Variants in MCM9 observed in about 807,000 individuals in gnomAD.
MCM9 encodes minichromosome maintenance 9 homologous recombination repair factor.
A neutral mutation model predicts 72.8 loss-of-function variants in MCM9; 55 were observed. That is an observed-to-expected ratio of 0.76 (90% CI 0.61 to 0.95). MCM9 has a LOEUF of 0.95. Among genes scored for constraint, MCM9 ranks in the 40% least tolerant of loss-of-function variants. MCM9 has a pLI of 0.00. For synonymous variants in MCM9, 480 were observed against 503.4 expected (o/e 0.95, Z 0.62); for missense variants, 1,279 against 1,377.0 (o/e 0.93, Z 1.13).
At chr6:118,894,000 G>A in intron 8 of MCM9, 2 of 984,892 alleles carry the variant, frequency 2.0e-6, no homozygotes, top group Non-Finnish European at 2.4e-6. Context: ...GCCTCCGCGC[G>A]GGCCTCCCAG....
chr6:118,826,438 A>G, intron 12 of MCM9, 146 bp from the exon 13 acceptor site: 1 of 817,298 alleles, frequency 1.2e-6, no homozygotes, highest in Non-Finnish European at 1.8e-6. Context: ...GGCTTTTTCA[A>G]CTTTCTATAG....
At position 118,829,159 on chromosome 6, in the gene MCM9, T is replaced by C. The variant is rs759507806; in HGVS notation, c.1417A>G (p.Ile473Val). The change falls in exon 10 of 14, where the codon ATT becomes GTT. Residue 473 changes from isoleucine to valine, a missense_variant. Coordinates refer to ENST00000619706, the MANE Select transcript of MCM9 (RefSeq NM_017696.3). ...CTTAAGAGTGGGCTGCCGAGGGCAA[T>C]GTTCACAGACACGGACTCCTGGGGG... ...YDPQESVSVN[I>V]ALGSPLLSRF... 2.9e-5 allele frequency: 45 copies of C among 1,550,544 alleles called. No individual in the cohort carries two copies. The highest frequency in any genetic ancestry group is 3.7e-5 in the Non-Finnish European group (43 of 1,146,994).
chr6:118,922,499 G>A (rs1781510960), intron 4 of MCM9, among the ~76,000 whole-genome samples: 2 of 152,136 alleles, frequency 1.3e-5, no homozygotes, highest in Admixed American at 1.3e-4. Context: ...GTGGACATGC[G>A]CCTAATACAA....
At chr6:118,896,171 T>C (rs749539279) in intron 8 of MCM9, among the ~76,000 whole-genome samples, 1 of 152,112 alleles carries the variant, frequency 6.6e-6, no homozygotes, top group Non-Finnish European at 1.5e-5. Flanking sequence ...GTATTTTTCT[T>C]ATTACTCTGA....
chr6:118,910,184 A>G (rs905376338), intron 8 of MCM9, among the ~76,000 whole-genome samples: 5 of 150,894 alleles, frequency 3.3e-5, no homozygotes, highest in African/African-American at 7.3e-5. Context: ...ATGAAAACAC[A>G]TCCTTAGTGC....
rs151012609 is a variant in MCM9, at chr6:118,916,176, A to T, written c.904+1385T>A. Among the ~76,000 whole-genome samples the T allele has an allele frequency of 4.3e-3, 648 of 151,854 alleles. 2 individuals carry two copies. Among genetic ancestry groups the T allele is most frequent in the Non-Finnish European group, 7.6e-3 (517 of 67,962 alleles). On this transcript the variant is annotated intron_variant, in intron 6 of 13. Transcript: ENST00000619706. ...AAGACCAGCCTGGGAAACATAGCAT[A>T]GTGAGAACCCTGTCTACTTTAAAAA... is the stretch of plus-strand genomic sequence containing the variant.
At chr6:118,921,736 C>T in intron 5 of MCM9, 1 of 278,044 alleles carries the variant, frequency 3.6e-6, no homozygotes, top group East Asian at 6.8e-5. Flanking sequence ...GATTCATGTT[C>T]CAGTTATGCC....
intron 8 of MCM9, among the ~76,000 whole-genome samples, chr6:118,876,161 T>C (rs1163466282): frequency 6.6e-6 from 1 of 152,182 alleles, no homozygotes; most frequent in African/African-American, 2.4e-5. Flanking sequence ...TCCAACTATA[T>C]TACATTCTCG....
chr6:118,877,499 T>C (rs752466850), intron 8 of MCM9, among the ~76,000 whole-genome samples: 4 of 152,156 alleles, frequency 2.6e-5, no homozygotes, highest in Non-Finnish European at 4.4e-5. Context: ...TGTAATGCCA[T>C]TACACACCCA....
At chr6:118,895,118 G>C (rs1583576857) in intron 8 of MCM9, among the ~76,000 whole-genome samples, 1 of 152,258 alleles carries the variant, frequency 6.6e-6, no homozygotes, top group East Asian at 1.9e-4. Flanking sequence ...TCGGGGAGGA[G>C]AGCGAGGCTG....
intron 2 of MCM9, 92 bp from the exon 3 acceptor site, chr6:118,931,830 T>A: frequency 1.1e-6 from 1 of 939,986 alleles, no homozygotes; most frequent in African/African-American, 1.7e-5. Flanking sequence ...TCACACTGGC[T>A]TTGGGTCATA....
intron 1 of MCM9, among the ~76,000 whole-genome samples, chr6:118,933,110 T>C (rs933726410): frequency 6.6e-6 from 1 of 152,084 alleles, no homozygotes; most frequent in Non-Finnish European, 1.5e-5. Context: ...AAATGCAATA[T>C]GAATAGGAGT....
At position 118,815,224 on chromosome 6, in the gene MCM9, G is replaced by A; in HGVS notation, c.3032C>T (p.Pro1011Leu). 6.4e-7 allele frequency: 1 copy of A among 1,550,586 alleles called. No individual in the cohort carries two copies. Among genetic ancestry groups the A allele is most frequent in the Non-Finnish European group, 8.7e-7 (1 of 1,146,966 alleles). The change falls in exon 14 of 14, where the codon CCT becomes CTT. Residue 1011 changes from proline (P) to leucine (L), a missense_variant. Transcript: ENST00000619706. ...HGPREKVMCA[P>L]EKRIIQPELE... ...TTCAGGCTGAATAATCCTCTTCTCA[G>A]GGGCACACATCACCTTCTCTCTTGG...
At chr6:118,900,165 CAGG>C (rs1562430173) in intron 8 of MCM9, among the ~76,000 whole-genome samples, 1 of 152,098 alleles carries the variant, frequency 6.6e-6, no homozygotes, top group Non-Finnish European at 1.5e-5. Context: ...ATGTATGACA[CAGG>C]GGGGTGCCGT....
At chr6:118,861,609 A>C (rs544403338) in intron 8 of MCM9, among the ~76,000 whole-genome samples, 68 of 152,324 alleles carry the variant, frequency 4.5e-4, no homozygotes, top group African/African-American at 1.6e-3. Context: ...TCCAGCACTC[A>C]GCAGAGAGGA....
intron 7 of MCM9, chr6:118,912,993 C>G (rs1174289084): frequency 8.3e-6 from 2 of 240,738 alleles, no homozygotes. Context: ...TGAAAACAGA[C>G]CGGGGATCCA....
At chr6:118,824,844 C>G (rs1774058608) in intron 13 of MCM9, among the ~76,000 whole-genome samples, 1 of 152,004 alleles carries the variant, frequency 6.6e-6, no homozygotes, top group African/African-American at 2.4e-5. Flanking sequence ...TTGCATAGTA[C>G]CTGGTTTTGT....
intron 8 of MCM9, among the ~76,000 whole-genome samples, chr6:118,868,090 T>C (rs188149661): frequency 3.3e-5 from 5 of 152,190 alleles, no homozygotes; most frequent in Middle Eastern, 3.4e-3. Context: ...TTGGCCAGGC[T>C]CGTCTTGAAC....
chr6:118,842,272 T>G (rs1460871569), intron 9 of MCM9, among the ~76,000 whole-genome samples: 1 of 152,254 alleles, frequency 6.6e-6, no homozygotes, highest in African/African-American at 2.4e-5. Context: ...TGTCCTTGAT[T>G]ATTTAAAAAT....
Sources: allele counts gnomAD v4.1 joint callset (sites outside exome capture counted in the v4.1 genomes callset), GRCh38; gene constraint gnomAD v4.1.1; transcripts MANE v1.5; gene names NCBI Gene and HGNC (gene_info 2026-07-23, HGNC 2026-07-21).